Variants in CACNA1E observed in about 807,000 individuals in gnomAD.
CACNA1E encodes voltage-dependent R-type calcium channel subunit alpha-1E.
In CACNA1E, 40 loss-of-function variants were observed where a neutral mutation model predicts 259.2. The ratio of observed to expected loss-of-function variants is 0.15; its 90% confidence interval spans 0.12 to 0.20. The LOEUF is 0.20. Among genes scored for constraint, CACNA1E ranks in the 10% least tolerant of loss-of-function variants. The probability of loss-of-function intolerance (pLI) is 1.00; values close to 1 mark genes in which losing one functional copy is unlikely to be tolerated. For missense variants in CACNA1E, 1,874 were observed against 3,040.1 expected, an observed-to-expected ratio of 0.62 and a Z score of 9.02; for synonymous variants, 1,104 against 1,138.5, an observed-to-expected ratio of 0.97 and a Z score of 0.61.
At chr1:181,747,450 A>ATT (rs60393528) in intron 25 of CACNA1E, among the ~76,000 whole-genome samples, 5 of 122,872 alleles carry the variant, frequency 4.1e-5, no homozygotes, top group African/African-American at 1.3e-4. Flanking sequence ...AAAATCTGTC[A>ATT]TTTTTTTTTT....
At chr1:181,553,562 A>G (rs12067669) in intron 3 of CACNA1E, among the ~76,000 whole-genome samples, 6,604 of 152,120 alleles carry the variant, frequency 0.043, 478 homozygotes, top group African/African-American at 0.15. Context: ...AGTGAGAGAG[A>G]GCATCCTTGT....
intron 3 of CACNA1E, among the ~76,000 whole-genome samples, chr1:181,527,982 T>A (rs1667486866): frequency 6.6e-6 from 1 of 152,272 alleles, no homozygotes; most frequent in South Asian, 2.1e-4. Context: ...CAGTTTTTTA[T>A]AATTATCTAC....
intron 16 of CACNA1E, among the ~76,000 whole-genome samples, chr1:181,723,070 A>G (rs1206253517): frequency 6.6e-6 from 1 of 152,236 alleles, no homozygotes; most frequent in African/African-American, 2.4e-5. Flanking sequence ...ATGGCATAGG[A>G]ATAGATTTCA....
At chr1:181,372,838 T>TTA in intron 1 of CACNA1E, among the ~76,000 whole-genome samples, 1 of 149,944 alleles carries the variant, frequency 6.7e-6, no homozygotes, top group Admixed American at 6.6e-5. Context: ...ATTTTTTTTT[T>TTA]AACATGAAGG....
chr1:181,720,689 GAGAAA>G lies in CACNA1E; in HGVS notation c.1884-89_1884-85del, dbSNP rs1283984136. On this transcript the variant is annotated intron_variant, in intron 14 of 47. Transcript: ENST00000367573. ...GGAAGAGGGGGGTTGTAGAAGAAAG[GAGAAA>G]AGAAGTGATGAAAGCTGTGATCTTG... is the stretch of plus-strand genomic sequence containing the variant. 9 of 781,140 alleles carry G rather than the reference GAGAAA, an allele frequency of 1.2e-5. 1 individual carries two copies. The highest frequency in any genetic ancestry group is 2.4e-4 in the Middle Eastern group (1 of 4,248). 48.4% of individuals were successfully genotyped at this position (781,140 alleles called of 1,614,324 possible).
At chr1:181,535,915 G>C (rs950256228) in intron 3 of CACNA1E, among the ~76,000 whole-genome samples, 1 of 152,104 alleles carries the variant, frequency 6.6e-6, no homozygotes, top group Admixed American at 6.5e-5. Context: ...TTAAACTCCT[G>C]ACCTCAGGTG....
In CACNA1E at chr1:181,718,047, A is replaced by G; in HGVS notation, c.1526-8A>G. On this transcript the variant is annotated splice_region_variant and splice_polypyrimidine_tract_variant and intron_variant, in intron 11 of 47. Coordinates refer to ENST00000367573, the MANE Select transcript of CACNA1E (RefSeq NM_001205293.3). ...GTGGAACCAATGCTCTACTTTTAAT[A>G]CTTCCAGACTATGCAGAATTTCTGT... 1 of 1,424,114 alleles carries G rather than the reference A, an allele frequency of 7.0e-7. No individual in the cohort carries two copies. The highest frequency in any genetic ancestry group is 1.2e-5 in the South Asian group (1 of 86,102). 88.2% of individuals were successfully genotyped at this position (1,424,114 alleles called of 1,614,324 possible). A position where few individuals can be genotyped will look rare whatever the true frequency, so the allele number is the denominator to read the frequency against.
chr1:181,566,887 G>A (rs529152231), intron 3 of CACNA1E, among the ~76,000 whole-genome samples: 8 of 151,732 alleles, frequency 5.3e-5, no homozygotes, highest in Admixed American at 5.2e-4. Context: ...TGGAGATGTT[G>A]TTGGTTGTCA....
At chr1:181,700,778 A>G (rs1443920153) in intron 7 of CACNA1E, among the ~76,000 whole-genome samples, 1 of 152,210 alleles carries the variant, frequency 6.6e-6, no homozygotes, top group East Asian at 1.9e-4. Context: ...GCATCCCTGG[A>G]AAGGACAGCG....
At chr1:181,486,049 G>T (rs1351679979) in intron 1 of CACNA1E, among the ~76,000 whole-genome samples, 1 of 152,268 alleles carries the variant, frequency 6.6e-6, no homozygotes, top group African/African-American at 2.4e-5. Context: ...ACACCACGTG[G>T]TCACCTTTTT....
At chr1:181,587,359 A>G (rs749908166) in intron 6 of CACNA1E, among the ~76,000 whole-genome samples, 1 of 152,202 alleles carries the variant, frequency 6.6e-6, no homozygotes, top group Non-Finnish European at 1.5e-5. Flanking sequence ...AAGTGAGACC[A>G]GTGAGCCTGG....
intron 6 of CACNA1E, among the ~76,000 whole-genome samples, chr1:181,633,568 T>C (rs1656940969): frequency 6.6e-6 from 1 of 152,154 alleles, no homozygotes; most frequent in Non-Finnish European, 1.5e-5. Flanking sequence ...CTCAGCTCAC[T>C]GCAACCTCCA....
At chr1:181,486,793 C>T (rs1016618473) in intron 1 of CACNA1E, among the ~76,000 whole-genome samples, 3 of 152,228 alleles carry the variant, frequency 2.0e-5, no homozygotes, top group East Asian at 1.9e-4. Context: ...GAAATTTCAG[C>T]GTGCCTGAAG....
intron 2 of CACNA1E, among the ~76,000 whole-genome samples, chr1:181,447,254 T>C (rs529785615): frequency 6.6e-6 from 1 of 152,116 alleles, no homozygotes; most frequent in East Asian, 1.9e-4. Context: ...AGACTGGGCA[T>C]GGTGGCTCAT....
intron 1 of CACNA1E, among the ~76,000 whole-genome samples, chr1:181,359,998 C>T: frequency 6.6e-6 from 1 of 152,118 alleles, no homozygotes; most frequent in East Asian, 1.9e-4. Context: ...AGTTTTGACT[C>T]TCCCTCTCTC....
At chr1:181,783,569 C>G (rs1165873248) in intron 39 of CACNA1E, 110 bp from the exon 40 acceptor site, 5 of 619,732 alleles carry the variant, frequency 8.1e-6, no homozygotes, top group Non-Finnish European at 1.5e-5. Context: ...GATCCTTGCC[C>G]TTCTTTTTCG....
intron 3 of CACNA1E, among the ~76,000 whole-genome samples, chr1:181,542,478 A>G (rs1202081542): frequency 6.6e-6 from 1 of 151,944 alleles, no homozygotes; most frequent in Non-Finnish European, 1.5e-5. Context: ...GTCAAGGGGG[A>G]GATCAGGTGG....
intron 7 of CACNA1E, among the ~76,000 whole-genome samples, chr1:181,707,107 G>A (rs915255175): frequency 2.0e-5 from 3 of 152,188 alleles, no homozygotes; most frequent in Non-Finnish European, 4.4e-5. Flanking sequence ...TTACAGCAGC[G>A]AGGGCAGAGG....
chr1:181,708,865 A>G (rs1321603574), intron 7 of CACNA1E, among the ~76,000 whole-genome samples: 1 of 152,228 alleles, frequency 6.6e-6, no homozygotes, highest in Non-Finnish European at 1.5e-5. Context: ...GTTACTTGCC[A>G]TGGTTAGTAC....
Sources: gnomAD v4.1 joint callset for allele counts (sites outside exome capture counted in the v4.1 genomes callset) on GRCh38, gnomAD v4.1.1 for gene constraint, MANE v1.5 for transcripts, NCBI Gene and HGNC (gene_info 2026-07-23, HGNC 2026-07-21) for gene names.